SRL: variants seen among roughly 807,000 people sequenced by gnomAD.
SRL encodes the protein sarcalumenin.
In SRL, 23 loss-of-function variants were observed where a neutral mutation model predicts 39.5. The observed-to-expected ratio is 0.58, with a 90% CI of 0.42 to 0.82. The LOEUF is 0.82. SRL is among the 40% of genes least tolerant of loss of function. SRL has a pLI of 0.00. For missense variants in SRL, 592 were observed against 607.8 expected (o/e 0.97, Z 0.27); for synonymous variants, 272 against 237.4 (o/e 1.15, Z -1.34).
chr16:4,230,057 A>G (rs555164895), intron 1 of SRL, among the ~76,000 whole-genome samples: 4 of 152,154 alleles, frequency 2.6e-5, no homozygotes, highest in Non-Finnish European at 5.9e-5. Flanking sequence ...CCTGCGTCAG[A>G]GACACACCCC....
At chr16:4,230,710 C>T (rs1256812202) in intron 1 of SRL, among the ~76,000 whole-genome samples, 1 of 152,012 alleles carries the variant, frequency 6.6e-6, no homozygotes, top group Non-Finnish European at 1.5e-5. Context: ...TCTATGGAAA[C>T]AGGGTCTTTG....
chr16:4,210,918 G>A (rs947982616), intron 1 of SRL, among the ~76,000 whole-genome samples: 2 of 152,124 alleles, frequency 1.3e-5, no homozygotes, highest in Admixed American at 6.5e-5. Context: ...TGTTAGAGAC[G>A]CAGACTTTTA....
At chr16:4,223,249 A>T (rs1034323560) in intron 1 of SRL, among the ~76,000 whole-genome samples, 17 of 144,446 alleles carry the variant, frequency 1.2e-4, no homozygotes, top group Non-Finnish European at 1.1e-4. Context: ...AAAAAAAAAA[A>T]GCAAAAAAGC....
intron 2 of SRL, among the ~76,000 whole-genome samples, chr16:4,204,067 G>A (rs1485339545): frequency 2.0e-5 from 3 of 152,206 alleles, no homozygotes; most frequent in Admixed American, 6.5e-5. Context: ...CCCTCTAGCC[G>A]TGGGCCAGGA....
chr16:4,192,324 G>C lies in SRL; in HGVS notation c.1251C>G (p.Ser417=), dbSNP rs756219041. ...INPISSFKLL[S]QQCSYMGGCF... ...AACCTCCCATGTAGGAGCACTGCTG[G>C]GAGAGCAGTTTGAAACTGGAAATGG... Residue 417 remains serine (S), a synonymous_variant, in exon 6 of 6, where the codon TCC becomes TCG. Transcript: ENST00000399609. The surrounding 1 kb of genome is among the most constrained non-coding windows in gnomAD (Gnocchi z 4.0). 13 of 1,614,080 alleles carry C rather than the reference G, an allele frequency of 8.1e-6. No individual in the cohort carries two copies. Among genetic ancestry groups the C allele is most frequent in the Non-Finnish European group, 1.0e-5 (12 of 1,180,048 alleles).
chr16:4,203,290 C>T, intron 2 of SRL, 29 bp from the exon 3 acceptor site: 2 of 1,597,614 alleles, frequency 1.3e-6, no homozygotes, highest in Non-Finnish European at 1.7e-6. Context: ...GGGGGAAGAG[C>T]ATCACGCAGG....
At chr16:4,196,292 C>T (rs967598467) in intron 4 of SRL, among the ~76,000 whole-genome samples, 2 of 151,932 alleles carry the variant, frequency 1.3e-5, no homozygotes, top group Admixed American at 6.6e-5. Flanking sequence ...TTAAAGCATG[C>T]AGTTCAGTGG....
intron 3 of SRL, among the ~76,000 whole-genome samples, chr16:4,199,398 G>T: frequency 9.0e-6 from 1 of 111,606 alleles, no homozygotes; most frequent in Admixed American, 1.2e-4. Context: ...TTGAGACAGT[G>T]TCTCACTCTG....
chr16:4,193,487 A>G (rs1210315942), intron 5 of SRL, among the ~76,000 whole-genome samples: 3 of 152,248 alleles, frequency 2.0e-5, no homozygotes, highest in Non-Finnish European at 2.9e-5. Context: ...GAAAGAATGA[A>G]TGCATTATTT....
Position 4,195,671 on chromosome 16 carries a change from C to G in SRL, c.492G>C (p.Lys164Asn), listed in dbSNP as rs778170263. 2 of 1,614,080 alleles carry G rather than the reference C, an allele frequency of 1.2e-6. No individual in the cohort carries two copies. The highest frequency in any genetic ancestry group is 2.7e-5 in the African/African-American group (2 of 74,924). ...DSARSFSPLE[K>N]FGQNFLEKLI... ...GCTTCTCTAGGAAATTCTGGCCAAA[C>G]TTCTCAAGGGGTGAGAAGGAACGGG... The change falls in exon 5 of 6, where the codon AAG (lysine) becomes AAC (asparagine). Residue 164 changes from lysine (K) to asparagine (N), a missense_variant. Transcript: ENST00000399609.
At chr16:4,208,316 G>T (rs2052351095) in intron 1 of SRL, among the ~76,000 whole-genome samples, 1 of 152,152 alleles carries the variant, frequency 6.6e-6, no homozygotes, top group African/African-American at 2.4e-5. Flanking sequence ...TAGAAGCTGT[G>T]GATCAGGGAG....
At chr16:4,222,821 C>T (rs1041383342) in intron 1 of SRL, among the ~76,000 whole-genome samples, 10 of 152,244 alleles carry the variant, frequency 6.6e-5, no homozygotes, top group African/African-American at 1.9e-4. Flanking sequence ...TGGCGAGATG[C>T]GGTGGCTCAC....
chr16:4,205,225 G>A (rs2052303460), intron 1 of SRL, among the ~76,000 whole-genome samples: 6 of 152,102 alleles, frequency 3.9e-5, no homozygotes, highest in African/African-American at 1.4e-4. Flanking sequence ...GAGACAGGAG[G>A]ATTCTCTCAG....
At position 4,191,227 on chromosome 16, in the gene SRL, TCCTGGGA is replaced by T. The variant is rs2052059078; in HGVS notation, c.*919_*925del. 6.6e-6 allele frequency: 1 copy of T among 152,166 alleles called. No individual in the cohort carries two copies. Among genetic ancestry groups the T allele is most frequent in the South Asian group, 2.1e-4 (1 of 4,816 alleles). 9.4% of individuals were successfully genotyped at this position (152,166 alleles called of 1,614,324 possible). ...AGTGGGGGAGGCAGATCCTTGTCCT[TCCTGGGA>T]ACTCCTGTTCTTAGTTGTCGAGTGT... is the stretch of plus-strand genomic sequence containing the variant. On this transcript the variant is annotated 3_prime_UTR_variant, in exon 6 of 6. Transcript: ENST00000399609.
At chr16:4,225,165 G>A (rs2052573432) in intron 1 of SRL, among the ~76,000 whole-genome samples, 1 of 150,616 alleles carries the variant, frequency 6.6e-6, no homozygotes, top group South Asian at 2.1e-4. Context: ...GATAAAAAAT[G>A]TTCTAAAATT....
chr16:4,232,370 C>G (rs988435758), intron 1 of SRL, among the ~76,000 whole-genome samples: 3 of 152,210 alleles, frequency 2.0e-5, no homozygotes, highest in Non-Finnish European at 4.4e-5. Context: ...AAGTAATCAA[C>G]AAATTGGCTA....
At chr16:4,212,395 G>C (rs985025817) in intron 1 of SRL, among the ~76,000 whole-genome samples, 2 of 152,184 alleles carry the variant, frequency 1.3e-5, no homozygotes, top group Non-Finnish European at 2.9e-5. Context: ...CGCAGACAGA[G>C]GTGTGGGAGC....
At chr16:4,207,694 C>T (rs2052340989) in intron 1 of SRL, 1 of 417,612 alleles carries the variant, frequency 2.4e-6, no homozygotes. Context: ...AACCCAGTCT[C>T]CTCCTCTCCT....
chr16:4,218,528 T>C (rs183729991), intron 1 of SRL, among the ~76,000 whole-genome samples: 1 of 152,076 alleles, frequency 6.6e-6, no homozygotes, highest in East Asian at 1.9e-4. Context: ...AGTTCTGGCC[T>C]CCAATATACA....
Sources: gnomAD v4.1 joint callset for allele counts (sites outside exome capture counted in the v4.1 genomes callset) on GRCh38, gnomAD v4.1.1 for gene constraint, Gnocchi (gnomAD v3.1) non-coding constraint, MANE v1.5 for transcripts, NCBI Gene and HGNC (gene_info 2026-07-23, HGNC 2026-07-21) for gene names.